The following ELMO1 variants were observed in gnomAD, a reference collection of about 807,000 sequenced individuals.
The protein encoded by ELMO1 is engulfment and cell motility protein 1.
A neutral mutation model predicts 98.9 loss-of-function variants in ELMO1; 26 were observed. The ratio of observed to expected loss-of-function variants is 0.26; its 90% CI spans 0.19 to 0.36. The LOEUF (loss-of-function observed/expected upper bound fraction) is 0.36, where lower values mean the gene tolerates loss of function less well. Ranked by LOEUF, ELMO1 falls within the 10% of genes least tolerant of loss-of-function variation. ELMO1 has a pLI of 1.00. For synonymous variants in ELMO1, 346 were observed against 346.0 expected, an observed-to-expected ratio of 1.00 and a Z score of 0.00; for missense variants, 627 against 935.2, an observed-to-expected ratio of 0.67 and a Z score of 4.30.
At chr7:37,346,250 T>A (rs976500463) in intron 1 of ELMO1, among the ~76,000 whole-genome samples, 1 of 152,186 alleles carries the variant, frequency 6.6e-6, no homozygotes, top group Non-Finnish European at 1.5e-5. Context: ...AAGCTGTGTG[T>A]CCCTGCACAC....
rs116349636 is a variant in ELMO1 at position 36,852,945 on chromosome 7, T to G, written c.*2606A>C. ...TCAGTTTTATTTTGAGTAATATGAA[T>G]AGCAGAATGCAACTTGGACTTCACG... On this transcript the variant is annotated 3_prime_UTR_variant, in exon 22 of 22. Transcript: ENST00000310758. 6.6e-6 allele frequency among the ~76,000 whole-genome samples: 1 copy of G among 152,224 alleles called. No homozygotes were observed. The highest frequency in any genetic ancestry group is 1.5e-5 in the Non-Finnish European group (1 of 68,036).
chr7:36,872,943 C>T (rs1803650990), intron 19 of ELMO1, among the ~76,000 whole-genome samples: 1 of 152,118 alleles, frequency 6.6e-6, no homozygotes, highest in African/African-American at 2.4e-5. Context: ...CTTTGAAAAC[C>T]CATTGTATGG....
chr7:36,947,869 T>A lies in ELMO1; in HGVS notation c.1438-52852A>T, dbSNP rs913299161. On this transcript the variant is annotated intron_variant, in intron 16 of 21. Coordinates refer to ENST00000310758, the MANE Select transcript of ELMO1 (RefSeq NM_014800.11). ...CCCACAACCACCTAGGCCCTGAGGATTCTTTTCCTGGCTGACTCTCTTTCC... is the reference window on the plus strand; with the variant it reads ...CCCACAACCACCTAGGCCCTGAGGAATCTTTTCCTGGCTGACTCTCTTTCC... 5.9e-5 allele frequency among the ~76,000 whole-genome samples: 9 copies of A among 152,164 alleles called. No individual in the cohort carries two copies. In the South Asian group the frequency reaches 8.3e-4, roughly 14 times the overall value.
chr7:37,147,134 T>G (rs1285096774), intron 13 of ELMO1, among the ~76,000 whole-genome samples: 1 of 152,140 alleles, frequency 6.6e-6, no homozygotes, highest in Non-Finnish European at 1.5e-5. Flanking sequence ...TGTCTAGAGA[T>G]TAAGGGAAAT....
chr7:36,994,623 C>G (rs1193906504), intron 16 of ELMO1, among the ~76,000 whole-genome samples: 1 of 152,228 alleles, frequency 6.6e-6, no homozygotes, highest in Non-Finnish European at 1.5e-5. Context: ...TTCCTTCCTC[C>G]TCCCACTCCT....
chr7:37,410,564 C>G (rs1367441771), intron 1 of ELMO1, among the ~76,000 whole-genome samples: 1 of 152,188 alleles, frequency 6.6e-6, no homozygotes, highest in Non-Finnish European at 1.5e-5. Context: ...CAGCCCTACA[C>G]AGTGGGTCTT....
At chr7:37,223,555 G>A (rs1237777154) in intron 9 of ELMO1, among the ~76,000 whole-genome samples, 1 of 152,182 alleles carries the variant, frequency 6.6e-6, no homozygotes, top group Non-Finnish European at 1.5e-5. Context: ...CCTTAGCACA[G>A]TACTTGGAGA....
intron 13 of ELMO1, among the ~76,000 whole-genome samples, chr7:37,143,872 G>A (rs6959840): frequency 9.9e-4 from 150 of 151,800 alleles, no homozygotes; most frequent in African/African-American, 3.5e-3. Context: ...CACCATGCCT[G>A]GCTAAGTTTT....
intron 15 of ELMO1, among the ~76,000 whole-genome samples, chr7:37,057,157 T>C (rs1208202444): frequency 6.6e-6 from 1 of 152,184 alleles, no homozygotes; most frequent in Non-Finnish European, 1.5e-5. Flanking sequence ...GGAAATTATA[T>C]TACCAATCGC....
intron 16 of ELMO1, among the ~76,000 whole-genome samples, chr7:36,910,785 G>A (rs1025886511): frequency 2.6e-5 from 4 of 152,170 alleles, no homozygotes; most frequent in African/African-American, 4.8e-5. Flanking sequence ...TAGAGCAGAC[G>A]AATGAAGCTA....
chr7:37,176,586 AAAGT>A (rs771261712), intron 13 of ELMO1, among the ~76,000 whole-genome samples: 1 of 152,364 alleles, frequency 6.6e-6, no homozygotes, highest in South Asian at 2.1e-4. Flanking sequence ...AACAGCCATA[AAAGT>A]AATTGTGGTA....
In ELMO1 at chr7:37,251,380, A is replaced by T. The variant is rs555545802; in HGVS notation, c.414-6989T>A. On this transcript the variant is annotated intron_variant, in intron 6 of 21. Coordinates refer to ENST00000310758, the MANE Select transcript of ELMO1 (RefSeq NM_014800.11). ...AAACTCCATTAAGGATAGAACAATT[A>T]AACTCAGGTTTTAAACACTGTGCTC... Among the ~76,000 whole-genome samples, 4 of 152,328 alleles carry T rather than the reference A, an allele frequency of 2.6e-5. No homozygotes were observed. The South Asian group carries it at 8.3e-4, about 32-fold the overall frequency.
intron 13 of ELMO1, among the ~76,000 whole-genome samples, chr7:37,164,064 T>C (rs10277934): frequency 0.71 from 107,656 of 152,062 alleles, 40,716 homozygotes; most frequent in Non-Finnish European, 0.83. Flanking sequence ...ATTGCGGTTT[T>C]GATTTGCATT....
chr7:37,043,511 G>GA (rs1226059095), intron 15 of ELMO1, among the ~76,000 whole-genome samples: 1 of 152,162 alleles, frequency 6.6e-6, no homozygotes, highest in Non-Finnish European at 1.5e-5. Context: ...CTTGACTGTG[G>GA]AGTCGGCCGT....
intron 16 of ELMO1, among the ~76,000 whole-genome samples, chr7:36,962,312 A>C (rs1204568706): frequency 3.9e-5 from 6 of 152,228 alleles, no homozygotes; most frequent in Non-Finnish European, 5.9e-5. Flanking sequence ...TGTCCAGCTG[A>C]GGAGTTTGAA....
chr7:36,960,961 A>G (rs1361192890), intron 16 of ELMO1, among the ~76,000 whole-genome samples: 1 of 152,042 alleles, frequency 6.6e-6, no homozygotes, highest in Non-Finnish European at 1.5e-5. Flanking sequence ...CTGTCTCTGT[A>G]CGGGGGAGCT....
At chr7:36,941,671 A>C (rs1787048761) in intron 16 of ELMO1, among the ~76,000 whole-genome samples, 1 of 152,232 alleles carries the variant, frequency 6.6e-6, no homozygotes, top group Admixed American at 6.5e-5. Flanking sequence ...ATTAGAATAG[A>C]ATGCCAAACC....
intron 1 of ELMO1, among the ~76,000 whole-genome samples, chr7:37,358,252 C>T (rs68095349): frequency 0.3 from 46,362 of 152,012 alleles, 7,558 homozygotes; most frequent in Non-Finnish European, 0.38. Context: ...CCTCTAGCCT[C>T]CATTAACAGT....
At chr7:36,967,658 G>A (rs1160232343) in intron 16 of ELMO1, among the ~76,000 whole-genome samples, 2 of 152,198 alleles carry the variant, frequency 1.3e-5, no homozygotes, top group Non-Finnish European at 2.9e-5. Context: ...ACCAATAGGA[G>A]TTTCTGGTAG....
Sources: allele counts gnomAD v4.1 joint callset (sites outside exome capture counted in the v4.1 genomes callset), GRCh38; gene constraint gnomAD v4.1.1; transcripts MANE v1.5; gene names NCBI Gene and HGNC (gene_info 2026-07-23, HGNC 2026-07-21).